L3MBTL4: variants seen among roughly 807,000 people sequenced by gnomAD.
L3MBTL4 encodes the protein lethal(3)malignant brain tumor-like protein 4.
Under a neutral mutation model 84.5 loss-of-function variants are expected in L3MBTL4, and 70 were observed. The observed-to-expected ratio is 0.83, with a 90% CI of 0.68 to 1.01. L3MBTL4 has a LOEUF of 1.01. Among genes scored for constraint, L3MBTL4 ranks in the 50% least tolerant of loss-of-function variants. The pLI, the probability that L3MBTL4 is intolerant of heterozygous loss-of-function variation, is 0.00. For synonymous variants in L3MBTL4, 274 were observed against 259.8 expected (o/e 1.05, Z -0.52); for missense variants, 715 against 754.8 (o/e 0.95, Z 0.62).
In L3MBTL4 at chr18:6,305,019, T is replaced by C. The variant is rs543432534; in HGVS notation, c.73-3062A>G. 2.6e-5 allele frequency among the ~76,000 whole-genome samples: 4 copies of C among 152,308 alleles called. No homozygotes were observed. The East Asian group carries it at 7.7e-4, about 29-fold the overall frequency. Reference sequence around the variant, plus strand: ...TATTCCACACAAAAACAACATTACCTCTCACTTTGGATTTAAATTGCCTAA... The same window carrying C: ...TATTCCACACAAAAACAACATTACCCCTCACTTTGGATTTAAATTGCCTAA... On this transcript the variant is annotated intron_variant, in intron 3 of 18. Coordinates refer to ENST00000317931, the MANE Select transcript of L3MBTL4 (RefSeq NM_001330559.2).
intron 16 of L3MBTL4, among the ~76,000 whole-genome samples, chr18:6,051,555 A>G (rs1026718870): frequency 2.0e-5 from 3 of 150,568 alleles, no homozygotes; most frequent in Non-Finnish European, 4.4e-5. Flanking sequence ...AAAAAAAGGA[A>G]GAAACGAATA....
intron 16 of L3MBTL4, among the ~76,000 whole-genome samples, chr18:6,041,924 C>T (rs1031414820): frequency 2.0e-5 from 3 of 152,024 alleles, no homozygotes; most frequent in African/African-American, 7.2e-5. Flanking sequence ...GGTCTCACTA[C>T]GTTGCCCAGG....
intron 16 of L3MBTL4, among the ~76,000 whole-genome samples, chr18:5,987,764 A>G (rs2145100740): frequency 6.6e-6 from 1 of 152,342 alleles, no homozygotes; most frequent in Middle Eastern, 3.4e-3. Context: ...CCAGTGTATG[A>G]TTTGGGGATT....
At chr18:6,325,329 G>A (rs1026752874) in intron 1 of L3MBTL4, among the ~76,000 whole-genome samples, 63 of 152,282 alleles carry the variant, frequency 4.1e-4, no homozygotes, top group African/African-American at 1.4e-3. Context: ...AATGTTGAAT[G>A]AGCAAAGCAA....
rs568813356 is a variant in L3MBTL4 at position 6,364,016 on chromosome 18, T to C, written c.-91+50785A>G. Among the ~76,000 whole-genome samples, 4 of 152,258 alleles carry C rather than the reference T, an allele frequency of 2.6e-5. 1 individual carries two copies. The South Asian group carries it at 8.3e-4, about 32-fold the overall frequency. On this transcript the variant is annotated intron_variant, in intron 1 of 18. Coordinates refer to ENST00000317931, the MANE Select transcript of L3MBTL4 (RefSeq NM_001330559.2). ...TCTCAAACTGTGGTCCAAGGGCTCCTGGGGGTCTCTATGATATTTTTAAGG... is the reference window on the plus strand; with the variant it reads ...TCTCAAACTGTGGTCCAAGGGCTCCCGGGGGTCTCTATGATATTTTTAAGG...
chr18:6,386,121 C>T (rs1343069435), intron 1 of L3MBTL4, among the ~76,000 whole-genome samples: 2 of 152,170 alleles, frequency 1.3e-5, no homozygotes, highest in Non-Finnish European at 2.9e-5. Flanking sequence ...ACAGATAGCA[C>T]ACCAAGCACA....
intron 1 of L3MBTL4, among the ~76,000 whole-genome samples, chr18:6,339,167 A>G (rs1423615269): frequency 1.3e-5 from 2 of 152,230 alleles, no homozygotes; most frequent in Non-Finnish European, 1.5e-5. Context: ...TTGTCCATGT[A>G]TACAACACTG....
At chr18:6,295,040 A>C (rs866323800) in intron 4 of L3MBTL4, among the ~76,000 whole-genome samples, 1 of 152,128 alleles carries the variant, frequency 6.6e-6, no homozygotes, top group Non-Finnish European at 1.5e-5. Context: ...TTGGGAAGCC[A>C]TTGTGGACAG....
At chr18:6,139,685 C>A (rs1293092452) in intron 13 of L3MBTL4, among the ~76,000 whole-genome samples, 1 of 152,082 alleles carries the variant, frequency 6.6e-6, no homozygotes, top group African/African-American at 2.4e-5. Flanking sequence ...CTTCCTCCTC[C>A]TCATCTCAAT....
At chr18:6,042,145 C>A (rs2056430318) in intron 16 of L3MBTL4, among the ~76,000 whole-genome samples, 1 of 152,158 alleles carries the variant, frequency 6.6e-6, no homozygotes, top group Admixed American at 6.5e-5. Context: ...AAAATAGAAG[C>A]CACCAAAGTG....
intron 10 of L3MBTL4, among the ~76,000 whole-genome samples, chr18:6,221,234 C>T (rs1040039134): frequency 7.9e-5 from 12 of 152,136 alleles, no homozygotes; most frequent in African/African-American, 2.7e-4. Flanking sequence ...TGACCTGTCC[C>T]TTAGGAACTA....
chr18:6,078,273 A>G (rs1050165433), intron 16 of L3MBTL4, among the ~76,000 whole-genome samples: 53 of 151,808 alleles, frequency 3.5e-4, no homozygotes, highest in African/African-American at 1.3e-3. Flanking sequence ...CTAAACTACA[A>G]AAAGTTAGCC....
At chr18:6,356,783 AC>A (rs1336723146) in intron 1 of L3MBTL4, 2 of 152,184 alleles carry the variant, frequency 1.3e-5, no homozygotes, top group African/African-American at 2.4e-5. Context: ...ACTGCTGTAG[AC>A]TTTATGAACA....
chr18:6,332,217 G>A (rs73941332), intron 1 of L3MBTL4, among the ~76,000 whole-genome samples: 2 of 152,332 alleles, frequency 1.3e-5, no homozygotes, highest in African/African-American at 2.4e-5. Context: ...CAGAGCTGAG[G>A]TAAGGATCTA....
At chr18:6,021,851 A>C (rs58216208) in intron 16 of L3MBTL4, among the ~76,000 whole-genome samples, 10,700 of 151,906 alleles carry the variant, frequency 0.07, 503 homozygotes, top group East Asian at 0.12. Context: ...CTTTCTCTTC[A>C]GGCATTACAC....
chr18:6,152,300 C>A (rs951126299), intron 13 of L3MBTL4, among the ~76,000 whole-genome samples: 3 of 151,836 alleles, frequency 2.0e-5, no homozygotes, highest in Non-Finnish European at 4.4e-5. Flanking sequence ...TTTAAAGGAA[C>A]CTCCATTTTT....
intron 14 of L3MBTL4, among the ~76,000 whole-genome samples, chr18:6,129,368 C>CTG (rs772735191): frequency 0.065 from 8,968 of 138,194 alleles, 312 homozygotes; most frequent in Middle Eastern, 0.13. Flanking sequence ...GGAATTCTCT[C>CTG]TGTGTGTGTG....
At chr18:6,404,329 T>A (rs1364857270) in intron 1 of L3MBTL4, among the ~76,000 whole-genome samples, 1 of 152,200 alleles carries the variant, frequency 6.6e-6, no homozygotes. Context: ...GTTCTTTCCA[T>A]ATTAGTTTCA....
At chr18:6,257,363 G>A (rs766732596) in intron 5 of L3MBTL4, among the ~76,000 whole-genome samples, 3 of 151,884 alleles carry the variant, frequency 2.0e-5, no homozygotes, top group Non-Finnish European at 2.9e-5. Flanking sequence ...ACACCCACAC[G>A]TAACCACACA....
Sources: allele counts gnomAD v4.1 joint callset (sites outside exome capture counted in the v4.1 genomes callset), GRCh38; gene constraint gnomAD v4.1.1; transcripts MANE v1.5; gene names NCBI Gene and HGNC (gene_info 2026-07-23, HGNC 2026-07-21).